The following THSD4 variants were observed in gnomAD, a reference collection of about 807,000 sequenced individuals.
THSD4 encodes the protein thrombospondin type 1 domain containing 4, also known as thrombospondin type-1 domain-containing protein 4.
Under a neutral mutation model 119.0 loss-of-function variants are expected in THSD4, and 69 were observed. The observed-to-expected ratio is 0.58, with a 90% CI of 0.48 to 0.71. THSD4 has a LOEUF of 0.71. THSD4 is among the 30% of genes least tolerant of loss of function. The pLI, the probability that THSD4 is intolerant of heterozygous loss-of-function variation, is 0.00. For missense variants in THSD4, 1,393 were observed against 1,391.1 expected (o/e 1.00, Z -0.02); for synonymous variants, 524 against 540.4 (o/e 0.97, Z 0.42).
intron 6 of THSD4, among the ~76,000 whole-genome samples, chr15:71,277,957 G>A (rs1227887588): frequency 7.2e-5 from 11 of 152,180 alleles, no homozygotes; most frequent in Admixed American, 7.2e-4. Context: ...ACCCTTCACT[G>A]GGTAGTGCTT....
In THSD4 at chr15:71,180,144, A is replaced by T. The variant is rs1203480042; in HGVS notation, c.99+25212A>T. On this transcript the variant is annotated intron_variant, in intron 3 of 17. Transcript: ENST00000261862. ...GTACCCTAAAACTTAGAGTATAATA[A>T]AAAAAAAACATTAAAAAAAAAAAAA... Among the ~76,000 whole-genome samples the T allele has an allele frequency of 8.8e-4, 22 of 24,998 alleles. No individual in the cohort carries two copies. The Admixed American group carries it at 0.013, about 14-fold the overall frequency. 16.4% of individuals were successfully genotyped at this position (24,998 alleles called of 152,430 possible).
At chr15:71,535,149 C>A (rs564491588) in intron 7 of THSD4, among the ~76,000 whole-genome samples, 117 of 152,306 alleles carry the variant, frequency 7.7e-4, no homozygotes, top group African/African-American at 2.6e-3. Flanking sequence ...TCACCCTCCT[C>A]GGGCCTGTGA....
intron 7 of THSD4, among the ~76,000 whole-genome samples, chr15:71,610,803 A>G (rs1239021047): frequency 6.6e-6 from 1 of 152,214 alleles, no homozygotes; most frequent in Non-Finnish European, 1.5e-5. Flanking sequence ...ATCATTCTCC[A>G]GATATAAATT....
At chr15:71,743,167 G>A (rs983364939) in intron 11 of THSD4, among the ~76,000 whole-genome samples, 3 of 152,176 alleles carry the variant, frequency 2.0e-5, no homozygotes, top group East Asian at 3.9e-4. Context: ...CATAAACGCC[G>A]TAAAATGTCA....
intron 1 of THSD4, among the ~76,000 whole-genome samples, chr15:71,105,015 C>T (rs1382498229): frequency 2.0e-5 from 3 of 152,040 alleles, no homozygotes. Flanking sequence ...TAATGGTGGT[C>T]AGTTGTGCCT....
At position 71,604,828 on chromosome 15, in the gene THSD4, C is replaced by CAA. The variant is rs138151805; in HGVS notation, c.1153-55693_1153-55692dup. Among the ~76,000 whole-genome samples, 271 of 146,062 alleles carry CAA rather than the reference C, an allele frequency of 1.9e-3. 1 individual carries two copies. Among genetic ancestry groups the CAA allele is most frequent in the Middle Eastern group, 6.8e-3 (2 of 292 alleles). On this transcript the variant is annotated intron_variant, in intron 7 of 17. Transcript: ENST00000261862. ...CCAAAAGTGAAAACAAAAACAAAAA[C>CAA]AAAAAAAAAACCTGTCAACATAGAA...
intron 11 of THSD4, among the ~76,000 whole-genome samples, chr15:71,738,483 G>C (rs1210211282): frequency 6.6e-6 from 1 of 152,164 alleles, no homozygotes; most frequent in Non-Finnish European, 1.5e-5. Context: ...CAGGTTTAAT[G>C]ATTGGCTCAA....
At chr15:71,268,598 A>C (rs978984596) in intron 6 of THSD4, among the ~76,000 whole-genome samples, 3 of 151,432 alleles carry the variant, frequency 2.0e-5, no homozygotes, top group Non-Finnish European at 4.4e-5. Context: ...ACAAGAAATA[A>C]CTAAGATCAG....
At chr15:71,365,644 TG>T (rs1388529232) in intron 6 of THSD4, among the ~76,000 whole-genome samples, 1 of 152,292 alleles carries the variant, frequency 6.6e-6, no homozygotes, top group African/African-American at 2.4e-5. Context: ...CATGCTGAAG[TG>T]GGTTCTGTTT....
At chr15:71,665,786 T>A (rs985719195) in intron 8 of THSD4, among the ~76,000 whole-genome samples, 1 of 152,210 alleles carries the variant, frequency 6.6e-6, no homozygotes, top group Non-Finnish European at 1.5e-5. Flanking sequence ...TTGTCAGCTT[T>A]GTCGAAGATC....
chr15:71,501,174 A>G (rs1318200894), intron 7 of THSD4, among the ~76,000 whole-genome samples: 3 of 152,110 alleles, frequency 2.0e-5, no homozygotes, highest in Non-Finnish European at 4.4e-5. Context: ...GTTGGTGATG[A>G]GTGTGAAAAA....
intron 6 of THSD4, among the ~76,000 whole-genome samples, chr15:71,363,937 T>TA: frequency 6.6e-6 from 1 of 152,366 alleles, no homozygotes; most frequent in Middle Eastern, 3.4e-3. Context: ...CCACAAAAGA[T>TA]ATTCAGAAAT....
chr15:71,161,603 T>C (rs1404979789), intron 3 of THSD4, among the ~76,000 whole-genome samples: 3 of 152,060 alleles, frequency 2.0e-5, no homozygotes, highest in African/African-American at 4.8e-5. Flanking sequence ...TATGTTTTTC[T>C]ACCTCTTCAC....
intron 3 of THSD4, among the ~76,000 whole-genome samples, chr15:71,182,612 C>G (rs670409): frequency 0.87 from 131,509 of 151,708 alleles, 59,787 homozygotes; most frequent in East Asian, 1. Flanking sequence ...TTCCAGGCCA[C>G]ATTACAGTTA....
At chr15:71,483,999 G>T (rs2047776121) in intron 7 of THSD4, among the ~76,000 whole-genome samples, 2 of 152,148 alleles carry the variant, frequency 1.3e-5, no homozygotes, top group African/African-American at 2.4e-5. Flanking sequence ...TATTTCACAG[G>T]GTGTGAACAA....
At chr15:71,393,156 G>A (rs193013270) in intron 6 of THSD4, among the ~76,000 whole-genome samples, 17 of 151,978 alleles carry the variant, frequency 1.1e-4, no homozygotes, top group Middle Eastern at 3.4e-3. Flanking sequence ...TGCCCCCTGC[G>A]TTCAGTTCCA....
At chr15:71,594,602 G>A (rs1326050695) in intron 7 of THSD4, among the ~76,000 whole-genome samples, 1 of 152,148 alleles carries the variant, frequency 6.6e-6, no homozygotes, top group Non-Finnish European at 1.5e-5. Flanking sequence ...CTTAGGTGGA[G>A]ACCTTAGGCC....
At chr15:71,309,653 A>G (rs1229931439) in intron 6 of THSD4, among the ~76,000 whole-genome samples, 1 of 152,192 alleles carries the variant, frequency 6.6e-6, no homozygotes, top group Non-Finnish European at 1.5e-5. Context: ...TTGAGTTAGT[A>G]TTTGTAAATG....
chr15:71,157,206 G>A (rs922811176), intron 3 of THSD4, among the ~76,000 whole-genome samples: 9 of 152,092 alleles, frequency 5.9e-5, no homozygotes, highest in African/African-American at 2.2e-4. Context: ...TGAATGATAT[G>A]TGCGTAACCT....
Sources: gnomAD v4.1 joint callset for allele counts (sites outside exome capture counted in the v4.1 genomes callset) on GRCh38, gnomAD v4.1.1 for gene constraint, MANE v1.5 for transcripts, NCBI Gene and HGNC (gene_info 2026-07-23, HGNC 2026-07-21) for gene names.